Variants in MAD1L1 observed in about 807,000 individuals in gnomAD.
The protein encoded by MAD1L1 is mitotic arrest deficient 1 like 1.
In MAD1L1, 95 loss-of-function variants were observed where a neutral mutation model predicts 96.9. The ratio of observed to expected loss-of-function variants is 0.98; its 90% CI spans 0.83 to 1.16. The LOEUF (loss-of-function observed/expected upper bound fraction) is 1.16. Ranked by LOEUF, MAD1L1 falls within the 50% of genes most tolerant of loss-of-function variation. The pLI is 0.00. For synonymous variants in MAD1L1, 473 were observed against 396.6 expected (o/e 1.19, Z -2.29); for missense variants, 1,007 against 954.4 (o/e 1.06, Z -0.73).
intron 18 of MAD1L1, among the ~76,000 whole-genome samples, chr7:1,834,510 A>G (rs1782852814): frequency 6.6e-6 from 1 of 152,220 alleles, no homozygotes; most frequent in African/African-American, 2.4e-5. Context: ...CTTTATGCCA[A>G]TACCTTTGAA....
At chr7:2,217,217 C>T (rs55848703) in intron 7 of MAD1L1, among the ~76,000 whole-genome samples, 23,948 of 152,228 alleles carry the variant, frequency 0.16, 2,318 homozygotes, top group Middle Eastern at 0.27. Flanking sequence ...GGGACACAGA[C>T]AGCTGGCATC....
intron 18 of MAD1L1, among the ~76,000 whole-genome samples, chr7:1,892,247 T>C (rs1375600109): frequency 6.6e-6 from 1 of 152,126 alleles, no homozygotes; most frequent in African/African-American, 2.4e-5. Flanking sequence ...GGCCCAAGGG[T>C]GCGGGAGGCT....
chr7:1,965,761 C>T (rs984339788), intron 15 of MAD1L1, among the ~76,000 whole-genome samples: 1 of 152,268 alleles, frequency 6.6e-6, no homozygotes, highest in Non-Finnish European at 1.5e-5. Context: ...AGGACAAACT[C>T]TAGCTGCGTT....
At chr7:2,188,250 G>A (rs1791553829) in intron 10 of MAD1L1, among the ~76,000 whole-genome samples, 1 of 152,234 alleles carries the variant, frequency 6.6e-6, no homozygotes, top group Non-Finnish European at 1.5e-5. Flanking sequence ...TTGCTGTTAA[G>A]ATGTCAACAC....
intron 10 of MAD1L1, among the ~76,000 whole-genome samples, chr7:2,186,960 A>G (rs981014706): frequency 6.6e-6 from 1 of 151,852 alleles, no homozygotes; most frequent in African/African-American, 2.4e-5. Context: ...CGCCCGGCGA[A>G]TTTTTTATTT....
chr7:2,117,873 G>A (rs991096932), intron 11 of MAD1L1, among the ~76,000 whole-genome samples: 2 of 152,072 alleles, frequency 1.3e-5, no homozygotes, highest in Non-Finnish European at 2.9e-5. Flanking sequence ...GTATCCACAG[G>A]GCCCCACTGG....
At chr7:2,081,516 T>C (rs910285002) in intron 11 of MAD1L1, among the ~76,000 whole-genome samples, 1 of 151,850 alleles carries the variant, frequency 6.6e-6, no homozygotes, top group African/African-American at 2.4e-5. Flanking sequence ...CTGCCAAAAA[T>C]CCCCGCATCG....
chr7:1,902,499 C>G (rs141011153), intron 17 of MAD1L1, among the ~76,000 whole-genome samples: 1 of 152,330 alleles, frequency 6.6e-6, no homozygotes, highest in South Asian at 2.1e-4. Context: ...CCTCTTTACT[C>G]CTTCGAGTGT....
intron 14 of MAD1L1, among the ~76,000 whole-genome samples, chr7:1,987,570 A>AG (rs924791965): frequency 4.4e-5 from 6 of 135,670 alleles, no homozygotes; most frequent in East Asian, 2.1e-4. Context: ...GCCATCGGGG[A>AG]GGGGGGGAGA....
intron 11 of MAD1L1, among the ~76,000 whole-genome samples, chr7:2,085,394 C>A (rs563339047): frequency 6.6e-6 from 1 of 152,220 alleles, no homozygotes; most frequent in Non-Finnish European, 1.5e-5. Context: ...AGGAGAGCAG[C>A]GCATGTAGCT....
intron 16 of MAD1L1, among the ~76,000 whole-genome samples, chr7:1,950,059 G>C (rs1272521341): frequency 6.6e-6 from 1 of 150,430 alleles, no homozygotes; most frequent in Non-Finnish European, 1.5e-5. Flanking sequence ...TCTACTTGAG[G>C]GGACAGCAGA....
chr7:1,852,858 G>T (rs982025714), intron 18 of MAD1L1, among the ~76,000 whole-genome samples: 2 of 151,956 alleles, frequency 1.3e-5, no homozygotes, highest in Non-Finnish European at 2.9e-5. Context: ...TCTGAGAGCC[G>T]CACGTGCTGA....
chr7:2,174,574 A>G (rs1483390821), intron 10 of MAD1L1, among the ~76,000 whole-genome samples: 3 of 151,966 alleles, frequency 2.0e-5, no homozygotes, highest in Non-Finnish European at 4.4e-5. Flanking sequence ...CGATCCTCAG[A>G]GTGTATTCCG....
intron 15 of MAD1L1, among the ~76,000 whole-genome samples, chr7:1,960,574 TAAA>T (rs1258310689): frequency 6.6e-6 from 1 of 152,194 alleles, no homozygotes; most frequent in African/African-American, 2.4e-5. Flanking sequence ...CTTATAATAA[TAAA>T]GAGATTGATT....
At chr7:1,996,941 A>G (rs1781587285) in intron 14 of MAD1L1, among the ~76,000 whole-genome samples, 1 of 151,924 alleles carries the variant, frequency 6.6e-6, no homozygotes, top group East Asian at 1.9e-4. Flanking sequence ...TCTATAAAAT[A>G]TTAGAGGATA....
intron 10 of MAD1L1, among the ~76,000 whole-genome samples, chr7:2,193,752 G>A (rs371676435): frequency 2.6e-5 from 4 of 152,160 alleles, no homozygotes; most frequent in Non-Finnish European, 2.9e-5. Flanking sequence ...GTGCTGAGCC[G>A]CGATCCGGGA....
intron 12 of MAD1L1, among the ~76,000 whole-genome samples, chr7:2,058,718 GGC>G (rs2128521766): frequency 8.5e-6 from 1 of 117,398 alleles, no homozygotes; most frequent in Non-Finnish European, 1.8e-5. Flanking sequence ...GGAGAGGAGA[GGC>G]GCAGGGCTGG....
chr7:2,146,576 A>C lies in MAD1L1; in HGVS notation c.1073+2576T>G, dbSNP rs1433927295. Among the ~76,000 whole-genome samples the C allele has an allele frequency of 3.3e-5, 5 of 152,342 alleles. No individual in the cohort carries two copies. The highest frequency in any genetic ancestry group is 1.2e-4 in the African/African-American group (5 of 41,578). Reference sequence around the variant, plus strand: ...CCCGCTGGTCCGCACAGACGAGGGAAAATGCCCAGCAGCTGCTCTCATGAC... The same window carrying C: ...CCCGCTGGTCCGCACAGACGAGGGACAATGCCCAGCAGCTGCTCTCATGAC... On this transcript the variant is annotated intron_variant, in intron 11 of 18. Coordinates refer to ENST00000265854, the MANE Select transcript of MAD1L1 (RefSeq NM_001013836.2). The surrounding 1 kb of genome is among the most constrained non-coding windows in gnomAD (Gnocchi z 6.2).
intron 18 of MAD1L1, among the ~76,000 whole-genome samples, chr7:1,819,384 T>G (rs1047965716): frequency 2.0e-5 from 3 of 152,074 alleles, no homozygotes; most frequent in African/African-American, 7.2e-5. Context: ...TGGGGGAGAC[T>G]GAGACACTCA....
Sources: allele counts gnomAD v4.1 joint callset (sites outside exome capture counted in the v4.1 genomes callset), GRCh38; gene constraint gnomAD v4.1.1; non-coding constraint Gnocchi (gnomAD v3.1); transcripts MANE v1.5; gene names NCBI Gene and HGNC (gene_info 2026-07-23, HGNC 2026-07-21).